The following RSPRY1 variants were observed in gnomAD, a reference collection of about 807,000 sequenced individuals.
RSPRY1 encodes ring finger and SPRY domain containing 1.
A neutral mutation model predicts 73.1 loss-of-function variants in RSPRY1; 23 were observed. The observed-to-expected ratio is 0.31, with a 90% CI of 0.23 to 0.45. The LOEUF (loss-of-function observed/expected upper bound fraction) is 0.45. RSPRY1 is among the 20% of genes least tolerant of loss of function. The pLI is 1.00. For missense variants in RSPRY1, 448 were observed against 698.7 expected (o/e 0.64, Z 4.05); for synonymous variants, 226 against 251.4 (o/e 0.90, Z 0.95).
Position 57,225,562 on chromosome 16 carries a change from C to T in RSPRY1, c.1162-1780C>T, listed in dbSNP as rs180707980. Among the ~76,000 whole-genome samples the T allele has an allele frequency of 7.1e-4, 108 of 152,292 alleles. 1 individual carries two copies. The highest frequency in any genetic ancestry group is 6.3e-3 in the Admixed American group (96 of 15,294). ...ATCTCTCTCCTCACTGTATTGTTTG[C>T]CCCATAGAAGAAGCAGGCCATCAGG... On this transcript the variant is annotated intron_variant, in intron 10 of 14. Coordinates refer to ENST00000394420, the MANE Select transcript of RSPRY1 (RefSeq NM_133368.3).
At chr16:57,218,606 A>T (rs1272229644) in intron 8 of RSPRY1, among the ~76,000 whole-genome samples, 1 of 149,896 alleles carries the variant, frequency 6.7e-6, no homozygotes, top group Non-Finnish European at 1.5e-5. Flanking sequence ...TCTGTGCCTG[A>T]CTTATTTCAC....
At chr16:57,217,140 A>T in intron 8 of RSPRY1, 105 bp downstream of exon 8, 3 of 1,263,810 alleles carry the variant, frequency 2.4e-6, no homozygotes, top group Non-Finnish European at 3.4e-6. Flanking sequence ...ATGAGTCCTC[A>T]TAAGGACCTC....
At chr16:57,201,742 C>T (rs1174073536) in intron 1 of RSPRY1, among the ~76,000 whole-genome samples, 3 of 152,170 alleles carry the variant, frequency 2.0e-5, no homozygotes, top group East Asian at 1.9e-4. Flanking sequence ...GGATCACTCG[C>T]GGTTAGGAGC....
intron 1 of RSPRY1, among the ~76,000 whole-genome samples, chr16:57,188,640 C>T (rs192115899): frequency 2.1e-4 from 32 of 152,142 alleles, no homozygotes; most frequent in African/African-American, 7.5e-4. Context: ...CCTCAGCCTC[C>T]GGAGTAGCTG....
At chr16:57,207,467 A>C (rs2074747753) in intron 2 of RSPRY1, 1 of 363,870 alleles carries the variant, frequency 2.7e-6, no homozygotes. Flanking sequence ...CTGGGATCAC[A>C]CCACTGAATT....
chr16:57,208,197 T>G, intron 3 of RSPRY1, 87 bp downstream of exon 3: 1 of 859,788 alleles, frequency 1.2e-6, no homozygotes, highest in Non-Finnish European at 1.8e-6. Flanking sequence ...TTTTGTTTTG[T>G]TTTGAGATAA....
At chr16:57,206,161 T>G (rs1276603516) in intron 2 of RSPRY1, among the ~76,000 whole-genome samples, 1 of 152,178 alleles carries the variant, frequency 6.6e-6, no homozygotes, top group African/African-American at 2.4e-5. Context: ...CCAACACTTT[T>G]GAGAGGCTGA....
chr16:57,220,947 C>G (rs1208624162), intron 9 of RSPRY1, 100 bp downstream of exon 9: 1 of 861,766 alleles, frequency 1.2e-6, no homozygotes, highest in Non-Finnish European at 1.9e-6. Context: ...TTCCCACTCT[C>G]CCTGTATTTT....
intron 1 of RSPRY1, among the ~76,000 whole-genome samples, chr16:57,202,198 T>G (rs570161558): frequency 2.1e-5 from 3 of 144,258 alleles, no homozygotes; most frequent in Admixed American, 7.2e-5. Context: ...AGGGAAACTA[T>G]GAACACCAAA....
At chr16:57,196,732 C>T (rs546093637) in intron 1 of RSPRY1, among the ~76,000 whole-genome samples, 1 of 152,244 alleles carries the variant, frequency 6.6e-6, no homozygotes, top group African/African-American at 2.4e-5. Context: ...CTTTACTTTT[C>T]TTAGTGCTTT....
At chr16:57,201,043 T>TGGCC (rs1193647431) in intron 1 of RSPRY1, among the ~76,000 whole-genome samples, 1 of 142,618 alleles carries the variant, frequency 7.0e-6, no homozygotes, top group African/African-American at 2.6e-5. Context: ...GATGGGCGGC[T>TGGCC]GGCCGGGCGG....
chr16:57,206,734 T>A (rs1311122875), intron 2 of RSPRY1, among the ~76,000 whole-genome samples: 1 of 152,094 alleles, frequency 6.6e-6, no homozygotes, highest in African/African-American at 2.4e-5. Flanking sequence ...GGCTAATTTT[T>A]AAAAAAGTTT....
intron 13 of RSPRY1, among the ~76,000 whole-genome samples, chr16:57,232,433 CT>C (rs1489814571): frequency 6.6e-6 from 1 of 152,172 alleles, no homozygotes. Context: ...AGGTTAATTC[CT>C]AGAACTTTTC....
intron 11 of RSPRY1, among the ~76,000 whole-genome samples, chr16:57,230,303 C>T (rs1267256147): frequency 1.3e-5 from 2 of 152,198 alleles, no homozygotes; most frequent in African/African-American, 2.4e-5. Flanking sequence ...TGAGCCACCT[C>T]GCCCAGCCTG....
chr16:57,201,097 C>T (rs1202259705), intron 1 of RSPRY1, among the ~76,000 whole-genome samples: 2 of 151,906 alleles, frequency 1.3e-5, no homozygotes, highest in Non-Finnish European at 2.9e-5. Flanking sequence ...GGCTGCCGGG[C>T]GGAGACGCTC....
chr16:57,220,037 T>A (rs1366747014), intron 8 of RSPRY1: 2 of 152,234 alleles, frequency 1.3e-5, no homozygotes, highest in Non-Finnish European at 2.9e-5. Context: ...GCCAGTACCA[T>A]GCAGTTTTGG....
intron 8 of RSPRY1, among the ~76,000 whole-genome samples, chr16:57,218,209 G>A (rs1439925652): frequency 6.6e-6 from 1 of 152,194 alleles, no homozygotes; most frequent in Non-Finnish European, 1.5e-5. Context: ...TGGAGCACAT[G>A]AGATATTTTG....
At chr16:57,194,413 A>G (rs1469811781) in intron 1 of RSPRY1, among the ~76,000 whole-genome samples, 2 of 152,208 alleles carry the variant, frequency 1.3e-5, no homozygotes, top group Non-Finnish European at 2.9e-5. Flanking sequence ...ATTTCATAAT[A>G]AAATATTGGG....
Position 57,227,341 on chromosome 16 carries a change from G to A in RSPRY1, c.1162-1G>A. On this transcript the variant is annotated splice_acceptor_variant, in intron 10 of 14. Transcript: ENST00000394420. LOFTEE classifies it high-confidence loss of function. Reference sequence around the variant, plus strand: ...ATCTTCTGGGCCTTGTCTCTCTCCAGGAAGGCTACGGCATTGGGGATGATG... The same window carrying A: ...ATCTTCTGGGCCTTGTCTCTCTCCAAGAAGGCTACGGCATTGGGGATGATG... The A allele has an allele frequency of 6.2e-7, 1 of 1,610,950 alleles. No homozygotes were observed. Among genetic ancestry groups the A allele is most frequent in the Non-Finnish European group, 8.5e-7 (1 of 1,177,224 alleles).
Sources: allele counts gnomAD v4.1 joint callset (sites outside exome capture counted in the v4.1 genomes callset), GRCh38; gene constraint gnomAD v4.1.1; transcripts MANE v1.5; gene names NCBI Gene and HGNC (gene_info 2026-07-23, HGNC 2026-07-21).